The following RHOQ variants were observed in gnomAD, a reference collection of about 807,000 sequenced individuals.
RHOQ encodes ras homolog family member Q, also known as rho-related GTP-binding protein RhoQ.
RHOQ carries 7 observed loss-of-function variants against 25.8 expected under a neutral mutation model. The ratio of observed to expected loss-of-function variants is 0.27; its 90% confidence interval spans 0.15 to 0.51. The LOEUF (loss-of-function observed/expected upper bound fraction) is 0.51. RHOQ is among the 20% of genes least tolerant of loss of function. The pLI is 0.97. For synonymous variants in RHOQ, 97 were observed against 98.6 expected (o/e 0.98, Z 0.10); for missense variants, 165 against 260.6 (o/e 0.63, Z 2.53).
At chr2:46,554,600 G>C (rs934072378) in intron 2 of RHOQ, among the ~76,000 whole-genome samples, 3 of 152,056 alleles carry the variant, frequency 2.0e-5, no homozygotes, top group African/African-American at 7.3e-5. Context: ...GGGCAATGAC[G>C]TCCTTTCTGT....
intron 2 of RHOQ, among the ~76,000 whole-genome samples, chr2:46,562,191 C>T (rs1668598406): frequency 6.6e-6 from 1 of 152,104 alleles, no homozygotes; most frequent in African/African-American, 2.4e-5. Context: ...AAGTTTGAAA[C>T]TCCCTCATCC....
At chr2:46,580,568 A>G (rs1669321948) in intron 4 of RHOQ, 1 of 162,142 alleles carries the variant, frequency 6.2e-6, no homozygotes, top group African/African-American at 2.4e-5. Flanking sequence ...ATTTGCAACC[A>G]TCTGCTCTGT....
chr2:46,576,151 C>T lies in RHOQ; in HGVS notation c.266C>T (p.Ser89Leu), dbSNP rs754824369. The change falls in exon 3 of 5, where the codon TCG becomes TTG. Residue 89 changes from serine to leucine, a missense_variant. By Grantham distance (145) the Ser-to-Leu change is moderately radical (BLOSUM62 -2). Coordinates refer to ENST00000238738, the MANE Select transcript of RHOQ (RefSeq NM_012249.4). This position sits in a 1 kb window ranked among gnomAD's most constrained non-coding sequence, Gnocchi z 5.1. ...PMTDVFLICF[S>L]VVNPASFQNV... is the part of the protein sequence containing the mutation. ...ACCGATGTCTTCCTTATATGCTTCT[C>T]GGTGGTAAATCCAGCCTCATTTCAA... 9 of 1,613,202 alleles carry T rather than the reference C, an allele frequency of 5.6e-6. No homozygotes were observed. Among genetic ancestry groups the T allele is most frequent in the South Asian group, 2.2e-5 (2 of 91,024 alleles).
chr2:46,557,780 C>T (rs867999165), intron 2 of RHOQ, among the ~76,000 whole-genome samples: 8 of 152,334 alleles, frequency 5.3e-5, no homozygotes, highest in African/African-American at 1.9e-4. Flanking sequence ...CCACTTTCAA[C>T]TCTGCTGTTT....
chr2:46,545,428 G>A (rs538592544), intron 2 of RHOQ, among the ~76,000 whole-genome samples: 1 of 152,344 alleles, frequency 6.6e-6, no homozygotes, highest in Admixed American at 6.5e-5. Flanking sequence ...CAGGATGTGT[G>A]TAGTCAGAGC....
intron 2 of RHOQ, among the ~76,000 whole-genome samples, chr2:46,558,667 C>T (rs757414172): frequency 2.3e-4 from 35 of 152,138 alleles, no homozygotes; most frequent in Non-Finnish European, 4.1e-4. Flanking sequence ...TCTTCCAGTT[C>T]TAACAAATTT....
Position 46,556,517 on chromosome 2 carries a change from G to C in RHOQ, c.201+12705G>C, listed in dbSNP as rs1390225182. 6.7e-6 allele frequency among the ~76,000 whole-genome samples: 1 copy of C among 149,752 alleles called. No individual in the cohort carries two copies. The highest frequency in any genetic ancestry group is 6.7e-5 in the Admixed American group (1 of 15,012). On this transcript the variant is annotated intron_variant, in intron 2 of 4. Transcript: ENST00000238738. The surrounding 1 kb of genome is among the most constrained non-coding windows in gnomAD (Gnocchi z 4.9). Reference sequence around the variant, plus strand: ...TTTTTTTTTGTTCCTTTTAATGCTTGGGTCTGGACCTTCCAGTGTTCTTGT... The same window carrying C: ...TTTTTTTTTGTTCCTTTTAATGCTTCGGTCTGGACCTTCCAGTGTTCTTGT...
At chr2:46,554,260 G>A (rs908887492) in intron 2 of RHOQ, among the ~76,000 whole-genome samples, 9 of 152,056 alleles carry the variant, frequency 5.9e-5, no homozygotes, top group Non-Finnish European at 1.2e-4. Flanking sequence ...AGCCATGGGT[G>A]CTCCCTATCC....
Position 46,583,382 on chromosome 2 carries a change from C to G in RHOQ, c.*2299C>G, listed in dbSNP as rs1032233002. On this transcript the variant is annotated 3_prime_UTR_variant, in exon 5 of 5. Transcript: ENST00000238738. ...CATTTATCACAGTAATTTTCTTATT[C>G]ACAGTAATCATTGTTGGATGTTACC... Among the ~76,000 whole-genome samples the G allele has an allele frequency of 3.9e-5, 6 of 152,042 alleles. No individual in the cohort carries two copies. Among genetic ancestry groups the G allele is most frequent in the African/African-American group, 1.4e-4 (6 of 41,414 alleles).
At chr2:46,553,519 A>G (rs1346984929) in intron 2 of RHOQ, among the ~76,000 whole-genome samples, 2 of 152,128 alleles carry the variant, frequency 1.3e-5, no homozygotes, top group Non-Finnish European at 2.9e-5. Flanking sequence ...TTAAATGTAC[A>G]GTTGCATTAT....
In RHOQ at chr2:46,543,014, G is replaced by C. The variant is rs1667878826; in HGVS notation, c.-33G>C. On this transcript the variant is annotated 5_prime_UTR_variant, in exon 1 of 5. Coordinates refer to ENST00000238738, the MANE Select transcript of RHOQ (RefSeq NM_012249.4). The stretch of plus-strand genomic sequence containing the variant: ...CCCGGGGCCGGGGCGGGGGCTCCGG[G>C]GGGACCATGCCCGGAGGCCGGCCGG... The C allele has an allele frequency of 6.6e-7, 1 of 1,519,042 alleles. No individual in the cohort carries two copies. The highest frequency in any genetic ancestry group is 8.8e-7 in the Non-Finnish European group (1 of 1,134,120). 94.1% of individuals were successfully genotyped at this position (1,519,042 alleles called of 1,614,324 possible). A position where few individuals can be genotyped will look rare whatever the true frequency, so the allele number is the denominator to read the frequency against.
At chr2:46,563,673 G>C (rs1356070830) in intron 2 of RHOQ, among the ~76,000 whole-genome samples, 1 of 152,054 alleles carries the variant, frequency 6.6e-6, no homozygotes, top group Non-Finnish European at 1.5e-5. Context: ...TTCTTGCAGG[G>C]TAATTCTGCA....
In RHOQ at chr2:46,546,033, T is replaced by G. The variant is rs1668033818; in HGVS notation, c.201+2221T>G. ...GTGTGTTAGGCCCCATTGGTGTTTT[T>G]CCCAGTGTCTAGACTTTTGTTTTTG... On this transcript the variant is annotated intron_variant, in intron 2 of 4. Coordinates refer to ENST00000238738, the MANE Select transcript of RHOQ (RefSeq NM_012249.4). Among the ~76,000 whole-genome samples, 4 of 152,164 alleles carry G rather than the reference T, an allele frequency of 2.6e-5. 1 individual carries two copies. The South Asian group carries it at 8.3e-4, about 32-fold the overall frequency.
chr2:46,546,006 A>G (rs553219963), intron 2 of RHOQ, among the ~76,000 whole-genome samples: 10 of 152,296 alleles, frequency 6.6e-5, no homozygotes, highest in African/African-American at 1.9e-4. Flanking sequence ...TGGGGCCTAG[A>G]TGTGTGTTAG....
chr2:46,555,906 G>C lies in RHOQ; in HGVS notation c.201+12094G>C, dbSNP rs1668397007. On this transcript the variant is annotated intron_variant, in intron 2 of 4. Coordinates refer to ENST00000238738, the MANE Select transcript of RHOQ (RefSeq NM_012249.4). This position sits in a 1 kb window ranked among gnomAD's most constrained non-coding sequence, Gnocchi z 4.3. Reference sequence around the variant, plus strand: ...TAGCATCTAGGCAAGCTGGTGTTAAGACGCAAGTAATTACTCAGAGAAATT... The same window carrying C: ...TAGCATCTAGGCAAGCTGGTGTTAACACGCAAGTAATTACTCAGAGAAATT... Among the ~76,000 whole-genome samples the C allele has an allele frequency of 6.6e-6, 1 of 152,208 alleles. No individual in the cohort carries two copies. Among genetic ancestry groups the C allele is most frequent in the Non-Finnish European group, 1.5e-5 (1 of 68,038 alleles).
intron 2 of RHOQ, among the ~76,000 whole-genome samples, chr2:46,546,451 C>CATATATATATATATATATGT (rs1668047022): frequency 4.2e-5 from 2 of 47,128 alleles, no homozygotes; most frequent in Non-Finnish European, 8.6e-5. Context: ...TACACATATA[C>CATATATATATATATATATGT]ATATATATAT....
chr2:46,544,464 G>A (rs991046450), intron 2 of RHOQ, among the ~76,000 whole-genome samples: 1 of 152,250 alleles, frequency 6.6e-6, no homozygotes, highest in South Asian at 2.1e-4. Context: ...CTTCAGAAGG[G>A]CCAGGTGACT....
chr2:46,565,458 C>T (rs1424359153), intron 2 of RHOQ, among the ~76,000 whole-genome samples: 2 of 152,198 alleles, frequency 1.3e-5, no homozygotes, highest in Non-Finnish European at 2.9e-5. Context: ...CTTAAAGCAT[C>T]ACTCAGTCTG....
chr2:46,584,613 G>T lies in RHOQ; in HGVS notation c.*3530G>T, dbSNP rs947454077. On this transcript the variant is annotated 3_prime_UTR_variant, in exon 5 of 5. Coordinates refer to ENST00000238738, the MANE Select transcript of RHOQ (RefSeq NM_012249.4). ...GAAGGGTTACGGCTTGGAACACTTG[G>T]TTATTCATGTTATGTAAATCAAGAA... Among the ~76,000 whole-genome samples the T allele has an allele frequency of 6.6e-6, 1 of 152,102 alleles. No homozygotes were observed. Among genetic ancestry groups the T allele is most frequent in the African/African-American group, 2.4e-5 (1 of 41,418 alleles).
Sources: allele counts gnomAD v4.1 joint callset (sites outside exome capture counted in the v4.1 genomes callset), GRCh38; gene constraint gnomAD v4.1.1; non-coding constraint Gnocchi (gnomAD v3.1); transcripts MANE v1.5; gene names NCBI Gene and HGNC (gene_info 2026-07-23, HGNC 2026-07-21).